Variants in PALLD observed in about 807,000 individuals in gnomAD.
PALLD encodes the protein palladin.
PALLD carries 61 observed loss-of-function variants against 123.5 expected under a neutral mutation model. The ratio of observed to expected loss-of-function variants is 0.49; its 90% CI spans 0.40 to 0.61. PALLD has a LOEUF of 0.61. Among genes scored for constraint, PALLD ranks in the 20% least tolerant of loss-of-function variants. PALLD has a pLI of 0.00. For missense variants in PALLD, 1,273 were observed against 1,377.0 expected (o/e 0.92, Z 1.20); for synonymous variants, 465 against 496.4 (o/e 0.94, Z 0.84).
At chr4:168,890,754 C>A (rs1206569922) in intron 10 of PALLD, among the ~76,000 whole-genome samples, 168 bp from the exon 11 acceptor site, 1 of 152,186 alleles carries the variant, frequency 6.6e-6, no homozygotes, top group African/African-American at 2.4e-5. Flanking sequence ...TTAGTGTTAC[C>A]TGAACCAGCT....
At chr4:168,792,724 A>G (rs950937662) in intron 10 of PALLD, among the ~76,000 whole-genome samples, 1 of 152,084 alleles carries the variant, frequency 6.6e-6, no homozygotes, top group African/African-American at 2.4e-5. Context: ...TGGGTGTGTG[A>G]ATCCAGCAGA....
Position 168,916,062 on chromosome 4 carries a change from C to G in PALLD, c.2850+35C>G, listed in dbSNP as rs769936930. ...TGTTATTGCTTGCATATCCTATTGC[C>G]CCACTTCTCCCTCACTTGCCATTTC... On this transcript the variant is annotated intron_variant, in intron 17 of 21. Transcript: ENST00000505667. 6.5e-5 allele frequency: 104 copies of G among 1,591,602 alleles called. 1 individual carries two copies. The South Asian group carries it at 8.1e-4, about 12-fold the overall frequency.
chr4:168,630,051 AC>A (rs1191885186), intron 2 of PALLD, among the ~76,000 whole-genome samples: 1 of 151,984 alleles, frequency 6.6e-6, no homozygotes, highest in Non-Finnish European at 1.5e-5. Flanking sequence ...ATATACTGAA[AC>A]CCTCCAAATT....
chr4:168,885,084 G>A (rs568692567), intron 10 of PALLD, among the ~76,000 whole-genome samples: 34 of 152,248 alleles, frequency 2.2e-4, no homozygotes, highest in Admixed American at 1.7e-3. Flanking sequence ...CTTTATTCAC[G>A]CTGACTCTGA....
At chr4:168,582,794 A>G (rs1770422909) in intron 2 of PALLD, among the ~76,000 whole-genome samples, 1 of 152,102 alleles carries the variant, frequency 6.6e-6, no homozygotes, top group Non-Finnish European at 1.5e-5. Flanking sequence ...CTGATGTATG[A>G]TCCTTTTAAT....
intron 2 of PALLD, among the ~76,000 whole-genome samples, chr4:168,614,916 A>G (rs968994109): frequency 4.6e-5 from 7 of 152,208 alleles, no homozygotes; most frequent in Non-Finnish European, 1.0e-4. Context: ...ATAAAAAGCA[A>G]CAGCAGCAAG....
chr4:168,810,121 A>G (rs1581586929), intron 10 of PALLD, among the ~76,000 whole-genome samples: 1 of 151,886 alleles, frequency 6.6e-6, no homozygotes, highest in Admixed American at 6.6e-5. Context: ...GCATTTTGGT[A>G]TAATTTGAGA....
intron 3 of PALLD, among the ~76,000 whole-genome samples, chr4:168,673,888 CTGTGTGTGTGTG>C (rs34043206): frequency 1.3e-4 from 19 of 146,288 alleles, no homozygotes; most frequent in Non-Finnish European, 2.0e-4. Context: ...TTTGAACGTG[CTGTGTGTGTGTG>C]TGTGTGTGTG....
intron 2 of PALLD, among the ~76,000 whole-genome samples, chr4:168,642,029 C>T (rs1777010924): frequency 6.6e-6 from 1 of 152,212 alleles, no homozygotes; most frequent in African/African-American, 2.4e-5. Context: ...TCTTCGTCTC[C>T]TTTCACCCAT....
intron 2 of PALLD, among the ~76,000 whole-genome samples, chr4:168,533,503 T>G (rs1764798360): frequency 6.6e-6 from 1 of 152,210 alleles, no homozygotes; most frequent in Non-Finnish European, 1.5e-5. Flanking sequence ...ACTAGATGAC[T>G]AGATAATTAT....
chr4:168,811,768 TCTCTCTCTCACACACACA>T (rs1049010343), intron 10 of PALLD, among the ~76,000 whole-genome samples: 6 of 109,846 alleles, frequency 5.5e-5, no homozygotes, highest in African/African-American at 1.9e-4. Context: ...TCTCTCTCTC[TCTCTCTCTCACACACACA>T]CACACACACA....
At chr4:168,644,903 G>A (rs1777290110) in intron 2 of PALLD, among the ~76,000 whole-genome samples, 1 of 152,072 alleles carries the variant, frequency 6.6e-6, no homozygotes, top group African/African-American at 2.4e-5. Context: ...AGGAGTTCAA[G>A]ACCAGCCTGG....
rs538541820 is a variant in PALLD, at chr4:168,651,586, T to C, written c.909-16604T>C. On this transcript the variant is annotated intron_variant, in intron 2 of 21. Coordinates refer to ENST00000505667, the MANE Select transcript of PALLD (RefSeq NM_001166108.2). ...CTCTGAAGATGGAACTCTTTTTTTT[T>C]CCCCCCCGCAAGGTTAGCTCTTTAG... Among the ~76,000 whole-genome samples the C allele has an allele frequency of 4.7e-4, 71 of 151,874 alleles. No homozygotes were observed. The East Asian group carries it at 7.5e-3, about 16-fold the overall frequency.
intron 8 of PALLD, among the ~76,000 whole-genome samples, chr4:168,693,094 G>C (rs549112073): frequency 8.8e-5 from 13 of 147,884 alleles, no homozygotes; most frequent in African/African-American, 3.4e-4. Context: ...TTCTGTTTCA[G>C]ATCTCCCCCG....
In PALLD at chr4:168,541,378, A is replaced by G. The variant is rs17613238; in HGVS notation, c.908+28966A>G. Among the ~76,000 whole-genome samples the G allele has an allele frequency of 7.0e-3, 1,071 of 152,290 alleles. 7 individuals carry two copies. Among genetic ancestry groups the G allele is most frequent in the Non-Finnish European group, 0.013 (881 of 68,012 alleles). On this transcript the variant is annotated intron_variant, in intron 2 of 21. Transcript: ENST00000505667. ...CTCTTAGACTGTCTTGTTAGTTGTG[A>G]CATATTTTATTGTAAACTAAAACTA...
rs552404368 is a variant in PALLD, at chr4:168,861,557, G to T, written c.1965-29365G>T. Among the ~76,000 whole-genome samples the T allele has an allele frequency of 7.2e-5, 11 of 152,008 alleles. No individual in the cohort carries two copies. In the South Asian group the frequency reaches 2.1e-3, roughly 29 times the overall value. On this transcript the variant is annotated intron_variant, in intron 10 of 21. Transcript: ENST00000505667. ...TTCTCTTATGGATCACCCTTTTGTT[G>T]TCTTATCTAAGAAATCTTTACCTAA...
At chr4:168,687,764 A>G (rs1782219307) in intron 6 of PALLD, among the ~76,000 whole-genome samples, 1 of 152,198 alleles carries the variant, frequency 6.6e-6, no homozygotes, top group South Asian at 2.1e-4. Context: ...TAGACTTTCT[A>G]TTAGTGGTCT....
At position 168,791,756 on chromosome 4, in the gene PALLD, G is replaced by A. The variant is rs577594246; in HGVS notation, c.1964+79833G>A. ...GAAATAATTCTGAAGATTGTTTTAA[G>A]CTCCTAGACAACAAACTATGAACAA... On this transcript the variant is annotated intron_variant, in intron 10 of 21. Transcript: ENST00000505667. Among the ~76,000 whole-genome samples, 3 of 152,292 alleles carry A rather than the reference G, an allele frequency of 2.0e-5. No individual in the cohort carries two copies. In the East Asian group the frequency reaches 5.8e-4, roughly 29 times the overall value.
At chr4:168,725,637 C>T (rs985400870) in intron 10 of PALLD, among the ~76,000 whole-genome samples, 1 of 150,402 alleles carries the variant, frequency 6.6e-6, no homozygotes, top group African/African-American at 2.5e-5. Flanking sequence ...CGCCATTCTC[C>T]TGCCTCAGCC....
Sources: allele counts gnomAD v4.1 joint callset (sites outside exome capture counted in the v4.1 genomes callset), GRCh38; gene constraint gnomAD v4.1.1; transcripts MANE v1.5; gene names NCBI Gene and HGNC (gene_info 2026-07-23, HGNC 2026-07-21).